Variants in KANSL3 observed in about 807,000 individuals in gnomAD.
The protein encoded by KANSL3 is NSL complex protein NSL3.
A neutral mutation model predicts 89.2 loss-of-function variants in KANSL3; 16 were observed. The ratio of observed to expected loss-of-function variants is 0.18; its 90% CI spans 0.12 to 0.27. KANSL3 has a LOEUF of 0.27. Among genes scored for constraint, KANSL3 ranks in the 10% least tolerant of loss-of-function variants. KANSL3 has a pLI of 1.00. For synonymous variants in KANSL3, 385 were observed against 419.7 expected (o/e 0.92, Z 1.01); for missense variants, 879 against 1,110.6 (o/e 0.79, Z 2.96).
intron 5 of KANSL3, among the ~76,000 whole-genome samples, chr2:96,616,683 G>A (rs1260073475): frequency 6.6e-6 from 1 of 152,194 alleles, no homozygotes; most frequent in African/African-American, 2.4e-5. Flanking sequence ...GAACCACTGC[G>A]GAGAGCACAG....
At chr2:96,590,841 C>G (rs2066265619), downstream of KANSL3, among the ~76,000 whole-genome samples, 1 of 151,956 alleles carries the variant, frequency 6.6e-6, no homozygotes, top group Non-Finnish European at 1.5e-5. Context: ...AAAAAATTAG[C>G]CGGTCCTGGT....
chr2:96,624,127 A>T (rs932601165), intron 3 of KANSL3, among the ~76,000 whole-genome samples: 2 of 152,228 alleles, frequency 1.3e-5, no homozygotes, highest in Non-Finnish European at 2.9e-5. Flanking sequence ...CCTCAACTCA[A>T]TGTTGGGACT....
At chr2:96,607,984 A>G (rs748382574) in intron 14 of KANSL3, among the ~76,000 whole-genome samples, 3 of 152,160 alleles carry the variant, frequency 2.0e-5, no homozygotes, top group Non-Finnish European at 2.9e-5. Flanking sequence ...AGCTCCTTTC[A>G]TAGCACTCGC....
At chr2:96,591,978 T>C (rs1304437194), downstream of KANSL3, among the ~76,000 whole-genome samples, 1 of 152,146 alleles carries the variant, frequency 6.6e-6, no homozygotes, top group African/African-American at 2.4e-5. Context: ...CTGACCAAAA[T>C]GTGTGCTTGA....
chr2:96,607,057 A>G, intron 14 of KANSL3: 1 of 1,282,252 alleles, frequency 7.8e-7, no homozygotes, highest in South Asian at 1.2e-5. Context: ...GCTGGAATGA[A>G]TCAGAAAGAA....
chr2:96,594,836 C>T lies in KANSL3; in HGVS notation c.*775G>A, dbSNP rs2066417837. 6.6e-6 allele frequency: 1 copy of T among 152,266 alleles called. No individual in the cohort carries two copies. Among genetic ancestry groups the T allele is most frequent in the Non-Finnish European group, 1.5e-5 (1 of 68,090 alleles). The allele number at this position is 152,266 out of a possible 1,614,324, so 9.4% of individuals were successfully genotyped here. A position where few individuals can be genotyped will look rare whatever the true frequency, so the allele number is the denominator to read the frequency against. The stretch of plus-strand genomic sequence containing the variant: ...TTACTCTTCTTCAGCTTATCTGAAC[C>T]TGCGGACTCTCTGGATACAGAAACT... On this transcript the variant is annotated 3_prime_UTR_variant, in exon 21 of 21. Transcript: ENST00000431828.
At position 96,605,530 on chromosome 2, in the gene KANSL3, T is replaced by A. The variant is rs752580691; in HGVS notation, c.1742-19A>T. On this transcript the variant is annotated intron_variant, in intron 14 of 20. Coordinates refer to ENST00000431828, the MANE Select transcript of KANSL3 (RefSeq NM_001115016.3). Reference sequence around the variant, plus strand: ...ATGGGAACTAAGACATGGAGCTGAGTTGAGATCCTCCACAATCCAAAAAAT... The same window carrying A: ...ATGGGAACTAAGACATGGAGCTGAGATGAGATCCTCCACAATCCAAAAAAT... 8 of 1,604,596 alleles carry A rather than the reference T, an allele frequency of 5.0e-6. No homozygotes were observed. The South Asian group carries it at 8.8e-5, about 18-fold the overall frequency.
At position 96,619,562 on chromosome 2, in the gene KANSL3, A is replaced by G; in HGVS notation, c.478-18T>C. On this transcript the variant is annotated intron_variant, in intron 4 of 20. Transcript: ENST00000431828. ...TTACAAGCCTGAAGGATGTAAGTGGAAGTAATAAAACATGAGGACTACCTG... is the reference window on the plus strand; with the variant it reads ...TTACAAGCCTGAAGGATGTAAGTGGGAGTAATAAAACATGAGGACTACCTG... 1 of 1,611,546 alleles carries G rather than the reference A, an allele frequency of 6.2e-7. No homozygotes were observed. The highest frequency in any genetic ancestry group is 1.1e-5 in the South Asian group (1 of 90,990).
At chr2:96,638,105 C>G (rs2074519161) in intron 1 of KANSL3, 178 bp downstream of exon 1, 2 of 151,640 alleles carry the variant, frequency 1.3e-5, no homozygotes, top group African/African-American at 4.8e-5. Flanking sequence ...AGACGCGGCC[C>G]CTGCCAGCCC....
intron 5 of KANSL3, 94 bp downstream of exon 5, chr2:96,619,265 C>T (rs760621119): frequency 3.3e-5 from 41 of 1,225,498 alleles, no homozygotes; most frequent in South Asian, 4.6e-5. Context: ...CACTCCAGAC[C>T]GACCAGATAA....
In KANSL3 at chr2:96,593,294, C is replaced by T; in HGVS notation, c.*2317G>A. 1 of 456,096 alleles carries T rather than the reference C, an allele frequency of 2.2e-6. No homozygotes were observed. Among genetic ancestry groups the T allele is most frequent in the Non-Finnish European group, 4.4e-6 (1 of 226,796 alleles). 28.3% of individuals were successfully genotyped at this position (456,096 alleles called of 1,614,324 possible). On this transcript the variant is annotated 3_prime_UTR_variant, in exon 21 of 21. Coordinates refer to ENST00000431828, the MANE Select transcript of KANSL3 (RefSeq NM_001115016.3). ...GTGAAACCAAGAGTAGACAGGTCTT[C>T]CTACCTCAGTGACCTCAAAACACAA... is the stretch of plus-strand genomic sequence containing the variant.
At chr2:96,602,069 A>G in intron 19 of KANSL3, 47 bp downstream of exon 19, 1 of 1,511,056 alleles carries the variant, frequency 6.6e-7, no homozygotes, top group Non-Finnish European at 9.0e-7. Flanking sequence ...GTCCTGGGGG[A>G]AAGATCCCAG....
chr2:96,633,201 T>A (rs2073716405), intron 2 of KANSL3, among the ~76,000 whole-genome samples: 1 of 151,290 alleles, frequency 6.6e-6, no homozygotes, highest in Non-Finnish European at 1.5e-5. Context: ...GACGTTGCAG[T>A]GAGCCAAAAT....
At chr2:96,617,251 C>A (rs1309242040) in intron 5 of KANSL3, among the ~76,000 whole-genome samples, 1 of 152,106 alleles carries the variant, frequency 6.6e-6, no homozygotes, top group East Asian at 1.9e-4. Context: ...TACACTCCAC[C>A]AGAGAAGGGA....
At chr2:96,604,187 C>G in intron 17 of KANSL3, 63 bp downstream of exon 17, 2 of 1,517,006 alleles carry the variant, frequency 1.3e-6, no homozygotes, top group South Asian at 2.6e-5. Context: ...TTCCCAGGAC[C>G]ACCCAGAAGC....
intron 2 of KANSL3, among the ~76,000 whole-genome samples, chr2:96,633,095 T>C (rs1003474362): frequency 1.3e-4 from 19 of 151,026 alleles, no homozygotes; most frequent in African/African-American, 4.4e-4. Flanking sequence ...GTGGGCAACA[T>C]GGTGAAACCC....
chr2:96,588,708 A>C (rs2066256702), downstream of KANSL3, among the ~76,000 whole-genome samples: 1 of 151,920 alleles, frequency 6.6e-6, no homozygotes. Context: ...CTCGTGCCTC[A>C]GCCTCCGGAG....
intron 3 of KANSL3, among the ~76,000 whole-genome samples, chr2:96,622,658 C>T (rs1456768683): frequency 6.6e-6 from 1 of 152,324 alleles, no homozygotes; most frequent in South Asian, 2.1e-4. Flanking sequence ...GGCCCCAGTT[C>T]AATCAGCTAA....
Position 96,595,586 on chromosome 2 carries a change from AAGG to A in KANSL3, c.*22_*24del, listed in dbSNP as rs780738120. ...ATGAGGCAGCCATCACCAACTTGGT[AAGG>A]AGGACATATCACACAGCATCTTCAG... On this transcript the variant is annotated 3_prime_UTR_variant, in exon 21 of 21. Transcript: ENST00000431828. The A allele has an allele frequency of 6.2e-7, 1 of 1,613,476 alleles. No individual in the cohort carries two copies. The highest frequency in any genetic ancestry group is 1.7e-5 in the Admixed American group (1 of 59,988).
Sources: allele counts gnomAD v4.1 joint callset (sites outside exome capture counted in the v4.1 genomes callset), GRCh38; gene constraint gnomAD v4.1.1; transcripts MANE v1.5; gene names NCBI Gene and HGNC (gene_info 2026-07-23, HGNC 2026-07-21).